PPARGC1A: variants seen among roughly 807,000 people sequenced by gnomAD.
PPARGC1A encodes the protein PPARG coactivator 1 alpha, also known as peroxisome proliferator-activated receptor gamma coactivator 1-alpha.
A neutral mutation model predicts 88.7 loss-of-function variants in PPARGC1A; 25 were observed. The ratio of observed to expected loss-of-function variants is 0.28; its 90% CI spans 0.21 to 0.39. The LOEUF (loss-of-function observed/expected upper bound fraction) is 0.39, where lower values mean the gene tolerates loss of function less well. Ranked by LOEUF, PPARGC1A falls within the 10% of genes least tolerant of loss-of-function variation. The probability of loss-of-function intolerance (pLI) is 1.00; values close to 1 mark genes in which losing one functional copy is unlikely to be tolerated. For missense variants in PPARGC1A, 880 were observed against 968.7 expected, an observed-to-expected ratio of 0.91 and a Z score of 1.22; for synonymous variants, 363 against 355.6, an observed-to-expected ratio of 1.02 and a Z score of -0.24.
the PPARGC1A span, among the ~76,000 whole-genome samples, chr4:24,211,928 TC>T: frequency 2.0e-5 from 3 of 152,208 alleles, no homozygotes; most frequent in African/African-American, 7.2e-5. Flanking sequence ...CCAGCCAATG[TC>T]TTATCATCAC....
the PPARGC1A span, among the ~76,000 whole-genome samples, chr4:24,249,065 T>C: frequency 6.6e-6 from 1 of 152,144 alleles, no homozygotes; most frequent in South Asian, 2.1e-4. Flanking sequence ...TACAGTCCAA[T>C]CCCAACACTT....
Position 23,895,980 on chromosome 4 carries a change from G to GTA in PPARGC1A, n.52+3285_52+3286dup, listed in dbSNP as rs5856800. On this transcript the variant is annotated intron_variant and non_coding_transcript_variant, in intron 1 of 3. Coordinates refer to the PPARGC1A transcript ENST00000507342. ...TGTGTGTGTGTGTGTGTGTGTGTGT[G>GTA]TATATATATATACACACACATATTT... Among the ~76,000 whole-genome samples, 8 of 19,912 alleles carry GTA rather than the reference G, an allele frequency of 4.0e-4. No individual in the cohort carries two copies. In the South Asian group the frequency reaches 0.011, roughly 28 times the overall value. The allele number at this position is 19,912 out of a possible 152,430, so 13.1% of individuals were successfully genotyped here.
At chr4:24,413,327 A>C in the PPARGC1A span, among the ~76,000 whole-genome samples, 1 of 151,796 alleles carries the variant, frequency 6.6e-6, no homozygotes, top group South Asian at 2.1e-4. Flanking sequence ...TGAATAAAGG[A>C]AGACAAGACT....
chr4:24,105,253 A>G, the PPARGC1A span, among the ~76,000 whole-genome samples: 1 of 152,234 alleles, frequency 6.6e-6, no homozygotes, highest in Non-Finnish European at 1.5e-5. Context: ...ACAGAGGAAG[A>G]AAACAGCCAC....
intron 5 of PPARGC1A, among the ~76,000 whole-genome samples, chr4:23,827,926 A>T (rs1433850553): frequency 1.3e-5 from 2 of 152,116 alleles, no homozygotes; most frequent in African/African-American, 2.4e-5. Flanking sequence ...AAGAACAAGA[A>T]GAATTAGAAA....
the PPARGC1A span, among the ~76,000 whole-genome samples, chr4:24,204,600 T>A: frequency 2.6e-5 from 4 of 151,938 alleles, no homozygotes; most frequent in Non-Finnish European, 1.5e-5. Flanking sequence ...CTGAGAAAGA[T>A]GGAAGCAGAG....
chr4:23,845,755 T>C (rs894093537), intron 2 of PPARGC1A, among the ~76,000 whole-genome samples: 1 of 152,194 alleles, frequency 6.6e-6, no homozygotes, highest in Admixed American at 6.5e-5. Context: ...GCCGAACAAA[T>C]ACAATATGAG....
intron 1 of PPARGC1A, among the ~76,000 whole-genome samples, chr4:23,885,512 T>C (rs1399334716): frequency 6.6e-6 from 1 of 152,236 alleles, no homozygotes; most frequent in Admixed American, 6.5e-5. Flanking sequence ...TGAATTGTTA[T>C]TTAAATCATT....
chr4:24,310,776 C>T, the PPARGC1A span, among the ~76,000 whole-genome samples: 3 of 152,130 alleles, frequency 2.0e-5, no homozygotes, highest in African/African-American at 7.2e-5. Flanking sequence ...ATAAAATTCA[C>T]AATATCTGAG....
At chr4:23,885,980 A>ACTCCCCTTACCAATGAGGTGGT (rs1367648302) in intron 1 of PPARGC1A, among the ~76,000 whole-genome samples, 6 of 151,972 alleles carry the variant, frequency 3.9e-5, no homozygotes, top group Non-Finnish European at 7.4e-5. Context: ...AGGCAAGTGG[A>ACTCCCCTTACCAATGAGGTGGT]CTCCCCTTAC....
the PPARGC1A span, among the ~76,000 whole-genome samples, chr4:24,043,223 C>G: frequency 1.3e-5 from 2 of 152,152 alleles, no homozygotes; most frequent in African/African-American, 4.8e-5. Context: ...CTTGCTGTCT[C>G]CAGCTCACCT....
chr4:24,000,063 C>T, the PPARGC1A span, among the ~76,000 whole-genome samples: 1 of 151,928 alleles, frequency 6.6e-6, no homozygotes, highest in Non-Finnish European at 1.5e-5. Context: ...TCTTTCCTAC[C>T]TTCCTTACTT....
At chr4:24,107,981 AG>A in the PPARGC1A span, among the ~76,000 whole-genome samples, 1 of 152,328 alleles carries the variant, frequency 6.6e-6, no homozygotes, top group East Asian at 1.9e-4. Flanking sequence ...GAAGACAAAA[AG>A]GGAAGGAAAT....
chr4:24,141,575 C>T, the PPARGC1A span, among the ~76,000 whole-genome samples: 1 of 152,150 alleles, frequency 6.6e-6, no homozygotes, highest in African/African-American at 2.4e-5. Flanking sequence ...GCAGGAAGGC[C>T]CTAGGGAAAA....
the PPARGC1A span, among the ~76,000 whole-genome samples, chr4:24,354,853 C>G: frequency 6.6e-6 from 1 of 152,152 alleles, no homozygotes; most frequent in Non-Finnish European, 1.5e-5. Context: ...CGCGACTGCA[C>G]TCCAGCATGG....
chr4:24,078,000 A>G, the PPARGC1A span, among the ~76,000 whole-genome samples: 1 of 151,850 alleles, frequency 6.6e-6, no homozygotes, highest in African/African-American at 2.4e-5. Flanking sequence ...ATTCCTTTCC[A>G]TAGTTCCTGT....
chr4:24,401,313 C>T, the PPARGC1A span, among the ~76,000 whole-genome samples: 4 of 151,978 alleles, frequency 2.6e-5, no homozygotes, highest in Non-Finnish European at 4.4e-5. Context: ...CCACTGCGCC[C>T]GGCCATACCT....
chr4:24,466,217 C>A, the PPARGC1A span, among the ~76,000 whole-genome samples: 1 of 152,142 alleles, frequency 6.6e-6, no homozygotes, highest in Non-Finnish European at 1.5e-5. Context: ...AACTTCACCT[C>A]GTTCATCAAA....
the PPARGC1A span, among the ~76,000 whole-genome samples, chr4:24,094,966 T>C: frequency 2.6e-5 from 4 of 152,218 alleles, no homozygotes; most frequent in African/African-American, 9.6e-5. Flanking sequence ...TTGTGCTTCT[T>C]AACACCACAC....
Sources: gnomAD v4.1 joint callset for allele counts (sites outside exome capture counted in the v4.1 genomes callset) on GRCh38, gnomAD v4.1.1 for gene constraint, MANE v1.5 for transcripts, NCBI Gene and HGNC (gene_info 2026-07-23, HGNC 2026-07-21) for gene names.